Variants in ICA1L observed in about 807,000 individuals in gnomAD.
The protein encoded by ICA1L is islet cell autoantigen 1 like.
In ICA1L, 50 loss-of-function variants were observed where a neutral mutation model predicts 61.3. The ratio of observed to expected loss-of-function variants is 0.82; its 90% CI spans 0.65 to 1.03. The LOEUF (loss-of-function observed/expected upper bound fraction) is 1.03. Ranked by LOEUF, ICA1L falls within the 50% of genes least tolerant of loss-of-function variation. ICA1L has a pLI of 0.00. For synonymous variants in ICA1L, 161 were observed against 191.3 expected (o/e 0.84, Z 1.31); for missense variants, 508 against 556.7 (o/e 0.91, Z 0.88).
At chr2:202,808,826 C>T (rs1191191000) in intron 9 of ICA1L, among the ~76,000 whole-genome samples, 5 of 152,174 alleles carry the variant, frequency 3.3e-5, no homozygotes, top group African/African-American at 1.2e-4. Context: ...CTTGGGGTGC[C>T]CCTGCCAATG....
rs780620353 is a variant in ICA1L at position 202,788,910 on chromosome 2, G to T, written c.1163C>A (p.Ser388Tyr). ...SLTSQEPSMG[S>Y]EPLAHSSRFL... Reference sequence around the variant, plus strand: ...TCGAGAAGAATGAGCGAGGGGCTCAGACCCCATGGAAGGCTCCTGGGATGT... The same window carrying T: ...TCGAGAAGAATGAGCGAGGGGCTCATACCCCATGGAAGGCTCCTGGGATGT... The change falls in exon 11 of 13, where the codon TCT (serine) becomes TAT (tyrosine). Residue 388 changes from serine to tyrosine, a missense_variant. Transcript: ENST00000358299. 2 of 1,613,814 alleles carry T rather than the reference G, an allele frequency of 1.2e-6. No individual in the cohort carries two copies. Among genetic ancestry groups the T allele is most frequent in the African/African-American group, 2.7e-5 (2 of 74,918 alleles).
At chr2:202,860,703 G>A (rs1694887256) in intron 1 of ICA1L, among the ~76,000 whole-genome samples, 1 of 151,890 alleles carries the variant, frequency 6.6e-6, no homozygotes, top group South Asian at 2.1e-4. Context: ...AGTGTGCCAA[G>A]ATCACGCCAT....
intron 10 of ICA1L, among the ~76,000 whole-genome samples, chr2:202,791,920 C>T (rs1450964581): frequency 6.6e-6 from 1 of 152,056 alleles, no homozygotes; most frequent in Non-Finnish European, 1.5e-5. Flanking sequence ...GTAATCCCAG[C>T]ACTTTGGAAG....
chr2:202,846,514 G>T (rs922837870), intron 1 of ICA1L, among the ~76,000 whole-genome samples: 1 of 152,044 alleles, frequency 6.6e-6, no homozygotes, highest in Non-Finnish European at 1.5e-5. Context: ...TTTTGGGCTC[G>T]ATTAATTTGC....
At chr2:202,793,494 TAAAAAAA>T (rs755015399) in intron 10 of ICA1L, among the ~76,000 whole-genome samples, 5 of 31,330 alleles carry the variant, frequency 1.6e-4, no homozygotes, top group Non-Finnish European at 2.0e-4. Flanking sequence ...CCGTCTCTAC[TAAAAAAA>T]AAAAAAAAAA....
intron 1 of ICA1L, among the ~76,000 whole-genome samples, chr2:202,835,891 T>C (rs1574366046): frequency 1.3e-5 from 2 of 152,318 alleles, no homozygotes; most frequent in East Asian, 3.9e-4. Context: ...GCAACTTTAC[T>C]GAATGTATTA....
chr2:202,782,120 T>TG (rs1483842646), intron 12 of ICA1L, among the ~76,000 whole-genome samples: 2 of 151,992 alleles, frequency 1.3e-5, no homozygotes, highest in Non-Finnish European at 2.9e-5. Flanking sequence ...CCAAGGCAGG[T>TG]GGATCACTTG....
At chr2:202,832,689 G>A (rs1694046473) in intron 1 of ICA1L, among the ~76,000 whole-genome samples, 1 of 151,970 alleles carries the variant, frequency 6.6e-6, no homozygotes, top group African/African-American at 2.4e-5. Flanking sequence ...TGATACAAGA[G>A]GATCTCTTGA....
At chr2:202,789,283 A>G (rs1283184361) in intron 10 of ICA1L, among the ~76,000 whole-genome samples, 196 bp from the exon 11 acceptor site, 1 of 152,230 alleles carries the variant, frequency 6.6e-6, no homozygotes, top group Non-Finnish European at 1.5e-5. Flanking sequence ...GCCACATTTA[A>G]CAATGAAGAT....
intron 1 of ICA1L, among the ~76,000 whole-genome samples, chr2:202,868,468 A>T (rs1029592213): frequency 2.6e-5 from 4 of 152,248 alleles, no homozygotes; most frequent in African/African-American, 9.6e-5. Context: ...TTCCACCGCT[A>T]GGTATTTAAA....
chr2:202,835,905 G>C (rs149740853), intron 1 of ICA1L, among the ~76,000 whole-genome samples: 59 of 152,232 alleles, frequency 3.9e-4, no homozygotes, highest in Admixed American at 3.8e-3. Flanking sequence ...TGTATTACTT[G>C]TAATAGTTTT....
chr2:202,794,157 C>T (rs1692844564), intron 10 of ICA1L, among the ~76,000 whole-genome samples: 1 of 151,038 alleles, frequency 6.6e-6, no homozygotes, highest in Admixed American at 6.6e-5. Flanking sequence ...TAATTGCTGA[C>T]ATAGATACTG....
chr2:202,797,773 C>T (rs1692974433), intron 9 of ICA1L, among the ~76,000 whole-genome samples: 1 of 152,194 alleles, frequency 6.6e-6, no homozygotes, highest in Non-Finnish European at 1.5e-5. Context: ...CCTCCTGCCT[C>T]GGCCTCCCAA....
intron 1 of ICA1L, among the ~76,000 whole-genome samples, chr2:202,833,640 C>T (rs1574364068): frequency 6.6e-6 from 1 of 152,032 alleles, no homozygotes; most frequent in East Asian, 1.9e-4. Context: ...AAGATATTTT[C>T]AAATAAAGCT....
chr2:202,802,249 G>T (rs758912507), intron 9 of ICA1L, among the ~76,000 whole-genome samples: 3 of 152,096 alleles, frequency 2.0e-5, no homozygotes, highest in Admixed American at 6.6e-5. Flanking sequence ...CAGATCTGAA[G>T]AACTTACCTA....
rs1692238125 is a variant in ICA1L at position 202,776,847 on chromosome 2, C to CTT, written c.*2684_*2685dup. 1 of 152,064 alleles carries CTT rather than the reference C, an allele frequency of 6.6e-6. No individual in the cohort carries two copies. Among genetic ancestry groups the CTT allele is most frequent in the Non-Finnish European group, 1.5e-5 (1 of 68,006 alleles). 9.4% of individuals were successfully genotyped at this position (152,064 alleles called of 1,614,324 possible). On this transcript the variant is annotated 3_prime_UTR_variant, in exon 13 of 13. Transcript: ENST00000358299. ...CTTGTATGTCTCCATTTCGGGAGAA[C>CTT]TTTTGCTTTTGGAAAATTTAGGGTG...
intron 12 of ICA1L, among the ~76,000 whole-genome samples, chr2:202,785,220 T>TAA (rs559242608): frequency 1.2e-4 from 15 of 120,286 alleles, no homozygotes; most frequent in Admixed American, 5.0e-4. Context: ...CTGTCTCAAT[T>TAA]AAAAAAAAAA....
intron 9 of ICA1L, among the ~76,000 whole-genome samples, chr2:202,801,324 T>C (rs1443034861): frequency 6.6e-6 from 1 of 152,206 alleles, no homozygotes. Context: ...TTCATGTAGT[T>C]TGGTTTCATT....
At chr2:202,844,922 C>T (rs1694427378) in intron 1 of ICA1L, among the ~76,000 whole-genome samples, 1 of 152,114 alleles carries the variant, frequency 6.6e-6, no homozygotes, top group South Asian at 2.1e-4. Context: ...AAGGAGAATC[C>T]ATTTCATTGT....
Sources: allele counts gnomAD v4.1 joint callset (sites outside exome capture counted in the v4.1 genomes callset), GRCh38; gene constraint gnomAD v4.1.1; transcripts MANE v1.5; gene names NCBI Gene and HGNC (gene_info 2026-07-23, HGNC 2026-07-21).